The following GRID2 variants were observed in gnomAD, a reference collection of about 807,000 sequenced individuals.
GRID2 encodes the protein glutamate ionotropic receptor delta type subunit 2, also known as glutamate receptor ionotropic, delta-2.
A neutral mutation model predicts 114.8 loss-of-function variants in GRID2; 33 were observed. That is an observed-to-expected ratio of 0.29 (90% CI 0.22 to 0.38). The LOEUF (loss-of-function observed/expected upper bound fraction) is 0.38. Among genes scored for constraint, GRID2 ranks in the 10% least tolerant of loss-of-function variants. GRID2 has a pLI of 1.00. For missense variants in GRID2, 1,184 were observed against 1,257.7 expected, an observed-to-expected ratio of 0.94 and a Z score of 0.89; for synonymous variants, 505 against 449.9, an observed-to-expected ratio of 1.12 and a Z score of -1.55.
intron 1 of GRID2, among the ~76,000 whole-genome samples, chr4:92,568,287 G>A (rs897861954): frequency 1.3e-5 from 2 of 152,012 alleles, no homozygotes; most frequent in African/African-American, 4.8e-5. Context: ...ATTTAACAAA[G>A]TGTCTGATTA....
At chr4:92,905,718 G>A (rs946753130) in intron 2 of GRID2, among the ~76,000 whole-genome samples, 1 of 152,014 alleles carries the variant, frequency 6.6e-6, no homozygotes, top group East Asian at 1.9e-4. Context: ...GGCAATGAAA[G>A]TCTAGAACTC....
At chr4:92,442,363 T>C (rs1480523637) in intron 1 of GRID2, among the ~76,000 whole-genome samples, 4 of 151,882 alleles carry the variant, frequency 2.6e-5, no homozygotes, top group Non-Finnish European at 5.9e-5. Context: ...GGGACACGGC[T>C]TAGGAGGAAT....
chr4:93,241,851 G>T (rs1195337084), intron 8 of GRID2, among the ~76,000 whole-genome samples: 2 of 151,454 alleles, frequency 1.3e-5, no homozygotes, highest in Non-Finnish European at 3.0e-5. Flanking sequence ...AAATGACTTT[G>T]TGAAGTTGTT....
chr4:92,330,134 T>C (rs981160025), intron 1 of GRID2, among the ~76,000 whole-genome samples: 2 of 152,120 alleles, frequency 1.3e-5, no homozygotes, highest in Admixed American at 6.6e-5. Flanking sequence ...CATAACATTA[T>C]TTAATCCATT....
At chr4:93,457,148 A>G (rs964183177) in intron 11 of GRID2, among the ~76,000 whole-genome samples, 2 of 152,164 alleles carry the variant, frequency 1.3e-5, no homozygotes, top group African/African-American at 4.8e-5. Flanking sequence ...TAAACACAGG[A>G]TTACAATTGT....
intron 2 of GRID2, among the ~76,000 whole-genome samples, chr4:92,704,056 C>T (rs1221351629): frequency 1.3e-5 from 2 of 152,074 alleles, no homozygotes. Context: ...GCGGATAGAT[C>T]ACGAGGTCAG....
intron 13 of GRID2, among the ~76,000 whole-genome samples, chr4:93,534,363 C>T (rs956484748): frequency 3.3e-5 from 5 of 152,032 alleles, no homozygotes; most frequent in Non-Finnish European, 7.4e-5. Context: ...GAAATGGTTG[C>T]TACAGTCAAG....
At chr4:92,492,178 G>C (rs1723176148) in intron 1 of GRID2, among the ~76,000 whole-genome samples, 1 of 152,138 alleles carries the variant, frequency 6.6e-6, no homozygotes, top group Non-Finnish European at 1.5e-5. Context: ...TTTGAATCTA[G>C]AAAGGGATCT....
chr4:93,517,901 T>G (rs1028275970), intron 13 of GRID2, among the ~76,000 whole-genome samples: 4 of 149,500 alleles, frequency 2.7e-5, no homozygotes, highest in Admixed American at 1.3e-4. Context: ...TATATATATA[T>G]GTATGTGTGT....
intron 1 of GRID2, among the ~76,000 whole-genome samples, chr4:92,567,730 A>G (rs1467673056): frequency 2.0e-5 from 3 of 152,074 alleles, no homozygotes; most frequent in Non-Finnish European, 4.4e-5. Flanking sequence ...TATTCTTTAG[A>G]AGTCTTACTA....
chr4:93,119,018 TA>T (rs1012038884), intron 4 of GRID2, among the ~76,000 whole-genome samples: 2 of 152,174 alleles, frequency 1.3e-5, no homozygotes, highest in African/African-American at 4.8e-5. Flanking sequence ...AGGGGAAAAA[TA>T]AGCATATCAA....
chr4:93,663,006 G>T (rs1208838771), intron 14 of GRID2, among the ~76,000 whole-genome samples: 1 of 152,154 alleles, frequency 6.6e-6, no homozygotes, highest in Non-Finnish European at 1.5e-5. Flanking sequence ...ACCTAAACAG[G>T]TATCAAGCGA....
intron 6 of GRID2, among the ~76,000 whole-genome samples, chr4:93,218,922 T>G (rs1032221281): frequency 3.3e-5 from 5 of 152,134 alleles, no homozygotes; most frequent in Admixed American, 6.6e-5. Flanking sequence ...TCAGATCTTG[T>G]GAAAACTCAC....
At chr4:92,976,722 A>G (rs1753901435) in intron 2 of GRID2, among the ~76,000 whole-genome samples, 1 of 152,130 alleles carries the variant, frequency 6.6e-6, no homozygotes, top group Non-Finnish European at 1.5e-5. Flanking sequence ...AGCAGAGAAA[A>G]TTGACTTGAT....
At chr4:92,758,488 T>G (rs1716028331) in intron 2 of GRID2, among the ~76,000 whole-genome samples, 1 of 152,076 alleles carries the variant, frequency 6.6e-6, no homozygotes, top group African/African-American at 2.4e-5. Flanking sequence ...TTGAGTCAAA[T>G]AGGCCTGACT....
chr4:93,660,684 C>T (rs761365083), intron 14 of GRID2, among the ~76,000 whole-genome samples: 1 of 152,126 alleles, frequency 6.6e-6, no homozygotes, highest in Non-Finnish European at 1.5e-5. Flanking sequence ...GACTTGCAAT[C>T]TACCAAGTTA....
chr4:92,617,288 A>T (rs954725308), intron 2 of GRID2, among the ~76,000 whole-genome samples: 1 of 151,354 alleles, frequency 6.6e-6, no homozygotes. Context: ...TACATATGCC[A>T]TGGTGGTTTG....
In GRID2 at chr4:92,533,064, A is replaced by C. The variant is rs552602400; in HGVS notation, c.89-57067A>C. Among the ~76,000 whole-genome samples the C allele has an allele frequency of 2.0e-5, 3 of 152,158 alleles. No homozygotes were observed. In the East Asian group the frequency reaches 5.8e-4, roughly 29 times the overall value. On this transcript the variant is annotated intron_variant, in intron 1 of 15. Transcript: ENST00000282020. ...ACTCCAGCCTGGGTGACAGAGTGAG[A>C]TCCTCTGTCCAAAAAACAAACAAAA... is the stretch of plus-strand genomic sequence containing the variant.
chr4:93,649,831 C>T (rs1180333005), intron 14 of GRID2, among the ~76,000 whole-genome samples: 1 of 152,138 alleles, frequency 6.6e-6, no homozygotes, highest in Non-Finnish European at 1.5e-5. Context: ...AACTTTATAA[C>T]TCCAAAATCC....
Sources: gnomAD v4.1 joint callset for allele counts (sites outside exome capture counted in the v4.1 genomes callset) on GRCh38, gnomAD v4.1.1 for gene constraint, MANE v1.5 for transcripts, NCBI Gene and HGNC (gene_info 2026-07-23, HGNC 2026-07-21) for gene names.